The following KLF12 variants were observed in gnomAD, a reference collection of about 807,000 sequenced individuals.
The protein encoded by KLF12 is KLF transcription factor 12, also known as Krueppel-like factor 12.
KLF12 carries 9 observed loss-of-function variants against 37.8 expected under a neutral mutation model. The ratio of observed to expected loss-of-function variants is 0.24; its 90% CI spans 0.14 to 0.42. The LOEUF (loss-of-function observed/expected upper bound fraction) is 0.42. Among genes scored for constraint, KLF12 ranks in the 10% least tolerant of loss-of-function variants. The pLI is 1.00. For synonymous variants in KLF12, 208 were observed against 202.1 expected (o/e 1.03, Z -0.25); for missense variants, 411 against 516.0 (o/e 0.80, Z 1.97).
At chr13:74,178,980 A>G in the KLF12 span, among the ~76,000 whole-genome samples, 1 of 152,250 alleles carries the variant, frequency 6.6e-6, no homozygotes, top group African/African-American at 2.4e-5. Context: ...TCTTAAAAGA[A>G]AAGAGTTATA....
chr13:73,733,918 G>A (rs55766598), intron 6 of KLF12, among the ~76,000 whole-genome samples: 12,118 of 152,112 alleles, frequency 0.08, 676 homozygotes, highest in Admixed American at 0.13. Context: ...CAAAACCCCA[G>A]TGGTCTCCTA....
chr13:74,078,952 CA>C (rs1268319333), intron 1 of KLF12, among the ~76,000 whole-genome samples: 1 of 152,094 alleles, frequency 6.6e-6, no homozygotes, highest in Non-Finnish European at 1.5e-5. Flanking sequence ...AACTATTAGA[CA>C]ATGCCAAATC....
At chr13:74,181,908 T>A in the KLF12 span, among the ~76,000 whole-genome samples, 1 of 152,134 alleles carries the variant, frequency 6.6e-6, no homozygotes, top group Admixed American at 6.5e-5. Context: ...CATAGAATAT[T>A]TGTGGTATGG....
At chr13:74,298,810 T>G in the KLF12 span, among the ~76,000 whole-genome samples, 1 of 152,190 alleles carries the variant, frequency 6.6e-6, no homozygotes, top group Non-Finnish European at 1.5e-5. Context: ...AATATATTAC[T>G]CTTAAGGAAG....
In KLF12 at chr13:74,094,230, T is replaced by C. The variant is rs528785873; in HGVS notation, c.-32+39509A>G. On this transcript the variant is annotated intron_variant, in intron 1 of 7. Coordinates refer to ENST00000377669, the MANE Select transcript of KLF12 (RefSeq NM_007249.5). ...TTATCTACTTGAATTAGCTATACTT[T>C]CGTCCCTTGGTGGCCGAGAAAGCAA... 5.9e-5 allele frequency among the ~76,000 whole-genome samples: 9 copies of C among 152,334 alleles called. 1 individual carries two copies. Among genetic ancestry groups the C allele is most frequent in the Admixed American group, 4.6e-4 (7 of 15,302 alleles).
the KLF12 span, among the ~76,000 whole-genome samples, chr13:74,275,559 G>A: frequency 1.3e-5 from 2 of 152,048 alleles, no homozygotes; most frequent in East Asian, 3.9e-4. Context: ...TTAGTCTCCA[G>A]AATTTTTCTT....
chr13:74,256,473 GACTGGT>G, the KLF12 span, among the ~76,000 whole-genome samples: 3 of 151,734 alleles, frequency 2.0e-5, no homozygotes, highest in Non-Finnish European at 4.4e-5. Flanking sequence ...CTGTATTAGG[GACTGGT>G]ACAGTAAAAC....
chr13:74,273,550 C>G, the KLF12 span, among the ~76,000 whole-genome samples: 1 of 151,500 alleles, frequency 6.6e-6, no homozygotes, highest in East Asian at 1.9e-4. Flanking sequence ...CTGTTATACT[C>G]TAATAGAATT....
intron 1 of KLF12, among the ~76,000 whole-genome samples, chr13:74,075,611 T>A (rs1388656664): frequency 6.6e-6 from 1 of 152,194 alleles, no homozygotes; most frequent in African/African-American, 2.4e-5. Context: ...CTGCCTATAT[T>A]CCACTGTGAA....
At chr13:73,812,342 G>C (rs1302212030) in intron 5 of KLF12, among the ~76,000 whole-genome samples, 1 of 150,912 alleles carries the variant, frequency 6.6e-6, no homozygotes, top group Non-Finnish European at 1.5e-5. Context: ...ATACTGTACT[G>C]TATACCTGAA....
At chr13:73,745,255 A>G (rs1878281562) in intron 6 of KLF12, among the ~76,000 whole-genome samples, 1 of 152,184 alleles carries the variant, frequency 6.6e-6, no homozygotes, top group Non-Finnish European at 1.5e-5. Flanking sequence ...CATTTAAAGC[A>G]TATGTTTTAG....
At chr13:74,021,419 A>C (rs1020908943) in intron 1 of KLF12, among the ~76,000 whole-genome samples, 1 of 152,172 alleles carries the variant, frequency 6.6e-6, no homozygotes, top group African/African-American at 2.4e-5. Flanking sequence ...CTTTCAGTAG[A>C]AGAGGCTACA....
At chr13:73,732,083 A>ATT in intron 6 of KLF12, among the ~76,000 whole-genome samples, 1 of 131,328 alleles carries the variant, frequency 7.6e-6, no homozygotes, top group African/African-American at 2.8e-5. Flanking sequence ...TATTAACCCT[A>ATT]TTTTTTTTTT....
chr13:73,804,142 C>T (rs1241855697), intron 5 of KLF12, among the ~76,000 whole-genome samples: 1 of 152,172 alleles, frequency 6.6e-6, no homozygotes, highest in African/African-American at 2.4e-5. Context: ...TGACCTTATA[C>T]ACTCTTCCAC....
chr13:74,087,344 T>C (rs970582545), intron 1 of KLF12, among the ~76,000 whole-genome samples: 1 of 152,096 alleles, frequency 6.6e-6, no homozygotes, highest in Non-Finnish European at 1.5e-5. Context: ...AAAAATTTTT[T>C]TTTTTTTTGA....
the KLF12 span, among the ~76,000 whole-genome samples, chr13:74,143,336 T>TCAAATACAATTTCGTTCTCAATTC: frequency 3.4e-5 from 5 of 148,924 alleles, no homozygotes; most frequent in East Asian, 7.9e-4. Context: ...TATACAGAAT[T>TCAAATACAATTTCGTTCTCAATTC]CAAATACAAT....
chr13:73,978,416 C>T (rs1482641343), intron 2 of KLF12, among the ~76,000 whole-genome samples: 1 of 152,128 alleles, frequency 6.6e-6, no homozygotes, highest in African/African-American at 2.4e-5. Context: ...CGATACAACA[C>T]CACGCTCAGA....
At chr13:73,713,705 A>C (rs1875580641) in intron 7 of KLF12, among the ~76,000 whole-genome samples, 1 of 152,244 alleles carries the variant, frequency 6.6e-6, no homozygotes, top group Non-Finnish European at 1.5e-5. Context: ...GGTGTATGTT[A>C]GAATCTGTAA....
chr13:73,832,466 A>T (rs202019604), intron 4 of KLF12, among the ~76,000 whole-genome samples: 1 of 152,234 alleles, frequency 6.6e-6, no homozygotes, highest in Non-Finnish European at 1.5e-5. Context: ...CACGTCTGAC[A>T]AAGGCCACAC....
Sources: allele counts gnomAD v4.1 joint callset (sites outside exome capture counted in the v4.1 genomes callset), GRCh38; gene constraint gnomAD v4.1.1; transcripts MANE v1.5; gene names NCBI Gene and HGNC (gene_info 2026-07-23, HGNC 2026-07-21).